The following ARAP2 variants were observed in gnomAD, a reference collection of about 807,000 sequenced individuals.
ARAP2 encodes the protein arf-GAP with Rho-GAP domain, ANK repeat and PH domain-containing protein 2.
ARAP2 carries 148 observed loss-of-function variants against 194.5 expected under a neutral mutation model. That is an observed-to-expected ratio of 0.76 (90% confidence interval 0.67 to 0.87). The LOEUF is 0.87. Among genes scored for constraint, ARAP2 ranks in the 40% least tolerant of loss-of-function variants. The probability of loss-of-function intolerance (pLI) is 0.00; values close to 1 mark genes in which losing one functional copy is unlikely to be tolerated. For synonymous variants in ARAP2, 695 were observed against 683.5 expected (o/e 1.02, Z -0.26); for missense variants, 2,128 against 1,989.7 (o/e 1.07, Z -1.32).
chr4:36,126,731 G>A (rs547748592), intron 21 of ARAP2, among the ~76,000 whole-genome samples: 2 of 152,166 alleles, frequency 1.3e-5, no homozygotes, highest in South Asian at 4.1e-4. Context: ...CAAGTGAAAG[G>A]TGAACACTCC....
At chr4:36,058,926 C>T (rs773012164) in intron 1 of ARAP2, among the ~76,000 whole-genome samples, 2 of 152,060 alleles carry the variant, frequency 1.3e-5, no homozygotes, top group Non-Finnish European at 2.9e-5. Flanking sequence ...AGATTGTCTG[C>T]CTGGCAAGGA....
intron 28 of ARAP2, among the ~76,000 whole-genome samples, chr4:36,087,063 TATACAAGCATGCATATATTA>T (rs1712068734): frequency 1.3e-5 from 2 of 152,078 alleles, no homozygotes; most frequent in Admixed American, 1.3e-4. Flanking sequence ...TTAAAAAATA[TATACAAGCATGCATATATTA>T]ATGGCAACCA....
At chr4:36,042,215 T>G (rs1720983389) in intron 5 of ARAP2, among the ~76,000 whole-genome samples, 1 of 152,148 alleles carries the variant, frequency 6.6e-6, no homozygotes, top group African/African-American at 2.4e-5. Context: ...GTGGCTTATA[T>G]TTTTTCAACA....
rs537411680 is a variant in ARAP2, at chr4:36,234,225, G to T, written c.-159-4580C>A. Among the ~76,000 whole-genome samples, 4 of 152,322 alleles carry T rather than the reference G, an allele frequency of 2.6e-5. No homozygotes were observed. The South Asian group carries it at 8.3e-4, about 32-fold the overall frequency. ...AATTAATAAACAACAGAAGTGCATTGCTCAGAGTTCTGGAGGATGGGAAGT... is the reference window on the plus strand; with the variant it reads ...AATTAATAAACAACAGAAGTGCATTTCTCAGAGTTCTGGAGGATGGGAAGT... On this transcript the variant is annotated intron_variant, in intron 1 of 32. Coordinates refer to ENST00000303965, the MANE Select transcript of ARAP2 (RefSeq NM_015230.4).
At chr4:36,040,498 T>A (rs1720668569) in intron 5 of ARAP2, among the ~76,000 whole-genome samples, 1 of 152,160 alleles carries the variant, frequency 6.6e-6, no homozygotes, top group African/African-American at 2.4e-5. Flanking sequence ...TTCCATTCAT[T>A]TGTGTCTTTT....
Position 36,177,986 on chromosome 4 carries a change from G to T in ARAP2, c.1698C>A (p.Ile566=), listed in dbSNP as rs750407871. ...ATTTCAGTGCATTTAATAGTATGCTGATCCAGTCATTTCTCTCCTCTGAAA... is the reference window on the plus strand; with the variant it reads ...ATTTCAGTGCATTTAATAGTATGCTTATCCAGTCATTTCTCTCCTCTGAAA... The part of the protein sequence containing the change: ...VEKEEERNDW[I]SILLNALKSQ... The change falls in exon 9 of 33, where the codon ATC becomes ATA. Residue 566 remains isoleucine (I), a synonymous_variant. Coordinates refer to ENST00000303965, the MANE Select transcript of ARAP2 (RefSeq NM_015230.4). The T allele has an allele frequency of 6.2e-7, 1 of 1,602,690 alleles. No homozygotes were observed. The highest frequency in any genetic ancestry group is 8.5e-7 in the Non-Finnish European group (1 of 1,176,024).
intron 2 of ARAP2, among the ~76,000 whole-genome samples, chr4:36,214,989 C>A (rs2109288670): frequency 6.6e-6 from 1 of 152,138 alleles, no homozygotes; most frequent in East Asian, 1.9e-4. Context: ...ATCTTACAGT[C>A]TCGGAAGGAA....
At chr4:36,101,249 T>C (rs1165871694) in intron 27 of ARAP2, among the ~76,000 whole-genome samples, 1 of 151,984 alleles carries the variant, frequency 6.6e-6, no homozygotes, top group Non-Finnish European at 1.5e-5. Context: ...CACCTCCCCA[T>C]GGATACTGAA....
chr4:36,025,111 G>A (rs188394345), intron 5 of ARAP2, among the ~76,000 whole-genome samples: 1 of 152,218 alleles, frequency 6.6e-6, no homozygotes, highest in Admixed American at 6.5e-5. Context: ...TAGTCAAAAA[G>A]AATTATTAAA....
At chr4:36,185,216 G>T (rs577209533) in intron 8 of ARAP2, among the ~76,000 whole-genome samples, 1 of 152,302 alleles carries the variant, frequency 6.6e-6, no homozygotes, top group South Asian at 2.1e-4. Flanking sequence ...TCAGTTTGCT[G>T]ACCCCTACTC....
intron 5 of ARAP2, among the ~76,000 whole-genome samples, chr4:36,038,106 G>T (rs917878080): frequency 7.2e-5 from 11 of 152,242 alleles, no homozygotes; most frequent in African/African-American, 2.4e-4. Flanking sequence ...TTAGGCCTTT[G>T]GATGGCCTGG....
intron 2 of ARAP2, among the ~76,000 whole-genome samples, chr4:36,052,274 C>A (rs893627497): frequency 2.0e-5 from 3 of 151,988 alleles, no homozygotes; most frequent in African/African-American, 7.3e-5. Context: ...TTAATTAGAA[C>A]GCATTGGAAA....
chr4:36,020,316 C>T (rs997714580), intron 5 of ARAP2, among the ~76,000 whole-genome samples: 1 of 152,136 alleles, frequency 6.6e-6, no homozygotes, highest in Admixed American at 6.5e-5. Context: ...GAGGCTGAGG[C>T]AGGAGAATTG....
Position 36,229,028 on chromosome 4 carries a change from G to C in ARAP2, c.459C>G (p.Phe153Leu), listed in dbSNP as rs780338701. Reference sequence around the variant, plus strand: ...TCAGGTGTGGTTCCTCTGCAGTGGGGAAGTCGCGTTTAGGAGGAGACAGCT... The same window carrying C: ...TCAGGTGTGGTTCCTCTGCAGTGGGCAAGTCGCGTTTAGGAGGAGACAGCT... ...DDKLSPPKRD[F>L]PTAEEPHLNL... The change falls in exon 2 of 33, where the codon TTC (phenylalanine) becomes TTG (leucine). Residue 153 changes from phenylalanine to leucine, a missense_variant. Coordinates refer to ENST00000303965, the MANE Select transcript of ARAP2 (RefSeq NM_015230.4). 17 of 1,614,010 alleles carry C rather than the reference G, an allele frequency of 1.1e-5. No homozygotes were observed. In the East Asian group the frequency reaches 3.6e-4, roughly 34 times the overall value.
intron 21 of ARAP2, among the ~76,000 whole-genome samples, chr4:36,127,085 C>A (rs1466700808): frequency 6.6e-6 from 1 of 152,076 alleles, no homozygotes; most frequent in Non-Finnish European, 1.5e-5. Flanking sequence ...ATCCTCCTGC[C>A]TTGGCCTCCC....
intron 20 of ARAP2, among the ~76,000 whole-genome samples, chr4:36,132,058 C>T (rs957792763): frequency 6.6e-6 from 1 of 151,692 alleles, no homozygotes; most frequent in Non-Finnish European, 1.5e-5. Flanking sequence ...ATGACACTCT[C>T]CCTAGAACAA....
At chr4:36,195,649 G>C (rs1472789600) in intron 6 of ARAP2, among the ~76,000 whole-genome samples, 1 of 152,138 alleles carries the variant, frequency 6.6e-6, no homozygotes, top group East Asian at 1.9e-4. Flanking sequence ...AGAGCCCTTA[G>C]GGCCTCCCAT....
chr4:36,147,374 A>G lies in ARAP2; in HGVS notation c.3200-15T>C, dbSNP rs1405724330. On this transcript the variant is annotated splice_polypyrimidine_tract_variant and intron_variant, in intron 18 of 32. Transcript: ENST00000303965. ...TGTGCTGATTGCTGAAGGGAGAATG[A>G]AAAGCAAAAATTTATTTTTTAAAAC... 3.1e-6 allele frequency: 5 copies of G among 1,612,060 alleles called. No individual in the cohort carries two copies. In the South Asian group the frequency reaches 5.5e-5, roughly 18 times the overall value.
At chr4:36,224,341 T>C (rs1749828073) in intron 2 of ARAP2, among the ~76,000 whole-genome samples, 1 of 150,056 alleles carries the variant, frequency 6.7e-6, no homozygotes, top group Non-Finnish European at 1.5e-5. Flanking sequence ...AGTTTAACAC[T>C]GCCTTGAGGT....
Sources: gnomAD v4.1 joint callset for allele counts (sites outside exome capture counted in the v4.1 genomes callset) on GRCh38, gnomAD v4.1.1 for gene constraint, MANE v1.5 for transcripts, NCBI Gene and HGNC (gene_info 2026-07-23, HGNC 2026-07-21) for gene names.